Variants in P2RX2 observed in about 807,000 individuals in gnomAD.
The protein encoded by P2RX2 is purinergic receptor P2X 2.
In P2RX2, 50 loss-of-function variants were observed where a neutral mutation model predicts 54.8. That is an observed-to-expected ratio of 0.91 (90% CI 0.73 to 1.15). The LOEUF (loss-of-function observed/expected upper bound fraction) is 1.15. Among genes scored for constraint, P2RX2 ranks in the 50% most tolerant of loss-of-function variants. The pLI, the probability that P2RX2 is intolerant of heterozygous loss-of-function variation, is 0.00. For synonymous variants in P2RX2, 289 were observed against 259.4 expected (o/e 1.11, Z -1.09); for missense variants, 658 against 633.2 (o/e 1.04, Z -0.42).
rs750599281 is a variant in P2RX2, at chr12:132,619,529, C to A, written c.264C>A (p.Ser88=). 2 of 1,612,314 alleles carry A rather than the reference C, an allele frequency of 1.2e-6. No individual in the cohort carries two copies. Among genetic ancestry groups the A allele is most frequent in the African/African-American group, 2.7e-5 (2 of 74,838 alleles). The change falls in exon 2 of 11, where the codon TCC becomes TCA. Residue 88 remains serine, a synonymous_variant. Coordinates refer to ENST00000643471, the MANE Select transcript of P2RX2 (RefSeq NM_170682.4). ...IITKVKGITT[S]EHKVWDVEEY... ...CCAAGGTCAAGGGGATCACCACGTCCGAGCACAAAGTGTGGGACGTGGAGG... is the reference window on the plus strand; with the variant it reads ...CCAAGGTCAAGGGGATCACCACGTCAGAGCACAAAGTGTGGGACGTGGAGG...
Position 132,621,744 on chromosome 12 carries a change from C to T in P2RX2, c.1188C>T (p.Ala396=). The change falls in exon 11 of 11, where the codon GCC becomes GCT. Residue 396 remains alanine (A), a synonymous_variant. Coordinates refer to ENST00000643471, the MANE Select transcript of P2RX2 (RefSeq NM_170682.4). ...HPSGSWPVTL[A]RVLGQAPPEP... ...CAGGTAGCTGGCCTGTGACCCTTGC[C>T]CGTGTATTGGGCCAGGCCCCTCCCG... is the stretch of plus-strand genomic sequence containing the variant. 6.2e-7 allele frequency: 1 copy of T among 1,608,802 alleles called. No homozygotes were observed. The highest frequency in any genetic ancestry group is 8.5e-7 in the Non-Finnish European group (1 of 1,177,088).
Position 132,618,889 on chromosome 12 carries a change from C to T in P2RX2, c.73C>T (p.Leu25Phe). 7.3e-7 allele frequency: 1 copy of T among 1,374,272 alleles called. No homozygotes were observed. Among genetic ancestry groups the T allele is most frequent in the Non-Finnish European group, 9.5e-7 (1 of 1,056,102 alleles). The allele number at this position is 1,374,272 out of a possible 1,614,324, so 85.1% of individuals were successfully genotyped here. ...RRLARGCWSA[L>F]WDYETPKVIV... ...CCTGGCCCGGGGCTGCTGGTCCGCCCTCTGGGACTACGAGACGCCCAAGGT... is the reference window on the plus strand; with the variant it reads ...CCTGGCCCGGGGCTGCTGGTCCGCCTTCTGGGACTACGAGACGCCCAAGGT... Residue 25 changes from leucine (L) to phenylalanine (F), a missense_variant, in exon 1 of 11, where the codon CTC becomes TTC. Transcript: ENST00000643471.
Position 132,621,602 on chromosome 12 carries a change from G to A in P2RX2, c.1063-17G>A, listed in dbSNP as rs1386332894. On this transcript the variant is annotated splice_polypyrimidine_tract_variant and intron_variant, in intron 10 of 10. Coordinates refer to ENST00000643471, the MANE Select transcript of P2RX2 (RefSeq NM_170682.4). ...GGGTCCACCAGGCCCTTACACACCG[G>A]TCTCTGCTGGCCCCAGGGCTCCTTC... 1 of 1,611,966 alleles carries A rather than the reference G, an allele frequency of 6.2e-7. No individual in the cohort carries two copies. Among genetic ancestry groups the A allele is most frequent in the Non-Finnish European group, 8.5e-7 (1 of 1,179,006 alleles).
In P2RX2 at chr12:132,621,816, C is replaced by A. The variant is rs1443459281; in HGVS notation, c.1260C>A (p.Gly420=). 1.9e-6 allele frequency: 3 copies of A among 1,609,348 alleles called. No individual in the cohort carries two copies. Among genetic ancestry groups the A allele is most frequent in the Non-Finnish European group, 2.5e-6 (3 of 1,177,668 alleles). ...ACCAGCACCCCAGCCCTCCATCAGGCCAGGAGGGCCAACAAGGGGCAGAGT... is the reference window on the plus strand; with the variant it reads ...ACCAGCACCCCAGCCCTCCATCAGGACAGGAGGGCCAACAAGGGGCAGAGT... ...SEDQHPSPPS[G]QEGQQGAECG... Residue 420 remains glycine (G), a synonymous_variant, in exon 11 of 11, where the codon GGC becomes GGA. Transcript: ENST00000643471.
chr12:132,620,207 A>G, intron 5 of P2RX2, 60 bp from the exon 6 acceptor site: 1 of 1,545,520 alleles, frequency 6.5e-7, no homozygotes. Context: ...GGTGGGGGCC[A>G]ATGCCAGGCG....
chr12:132,619,258 A>AGGGGCT, intron 1 of P2RX2, 181 bp from the exon 2 acceptor site: 1 of 192,156 alleles, frequency 5.2e-6, no homozygotes, highest in Non-Finnish European at 7.2e-6. Context: ...GGCGCGGGGC[A>AGGGGCT]GGGGCTGGGG....
chr12:132,620,901 G>C, intron 7 of P2RX2, 100 bp from the exon 8 acceptor site: 2 of 198,660 alleles, frequency 1.0e-5, no homozygotes, highest in South Asian at 1.0e-4. Flanking sequence ...GGCCTCTCGT[G>C]TGCCCTTGTG....
chr12:132,619,644 C>T, intron 2 of P2RX2, 35 bp from the exon 3 acceptor site: 1 of 1,581,570 alleles, frequency 6.3e-7, no homozygotes, highest in Non-Finnish European at 8.6e-7. Context: ...GCAGCGGCTG[C>T]CGCCTGGCCG....
At position 132,619,570 on chromosome 12, in the gene P2RX2, C is replaced by T. The variant is rs769315673; in HGVS notation, c.305C>T (p.Pro102Leu). 1.9e-6 allele frequency: 3 copies of T among 1,610,374 alleles called. No individual in the cohort carries two copies. In the African/African-American group the frequency reaches 4.0e-5, roughly 22 times the overall value. ...GACGTGGAGGAGTACGTGAAGCCCC[C>T]CGAGGTGCGGGCCGCCCCCTGCCCC... Reference protein sequence around the residue: ...VWDVEEYVKPPEGGSVFSIIT... With the variant: ...VWDVEEYVKPLEGGSVFSIIT... Residue 102 changes from proline (P) to leucine (L), a missense_variant, in exon 2 of 11, where the codon CCC becomes CTC. By Grantham distance (98) the Pro-to-Leu change is moderately conservative. Coordinates refer to ENST00000643471, the MANE Select transcript of P2RX2 (RefSeq NM_170682.4).
At position 132,622,247 on chromosome 12, in the gene P2RX2, G is replaced by A. The variant is rs1310777133; in HGVS notation, c.*275G>A. On this transcript the variant is annotated 3_prime_UTR_variant, in exon 11 of 11. Transcript: ENST00000643471. ...CAGCCACCTGGAACCCAAGCCAGCT[G>A]AGCTCTGAGGGGCTCTGCTCCCGGT... 4.1e-5 allele frequency: 56 copies of A among 1,362,774 alleles called. No homozygotes were observed. Among genetic ancestry groups the A allele is most frequent in the Non-Finnish European group, 5.3e-5 (56 of 1,060,500 alleles). 84.4% of individuals were successfully genotyped at this position (1,362,774 alleles called of 1,614,324 possible).
intron 7 of P2RX2, 62 bp from the exon 8 acceptor site, chr12:132,620,939 C>T (rs567196075): frequency 3.3e-5 from 32 of 982,460 alleles, no homozygotes; most frequent in East Asian, 1.6e-4. Flanking sequence ...GGGACTGACC[C>T]GGGCTCTCGA....
At position 132,620,534 on chromosome 12, in the gene P2RX2, G is replaced by A; in HGVS notation, c.725G>A (p.Gly242Asp). Residue 242 changes from glycine (G) to aspartate (D), a missense_variant, in exon 7 of 11, where the codon GGC becomes GAC. Transcript: ENST00000643471. ...CTCTACTGCCCCATCTTCAAGCTGG[G>A]CTTTATCGTGGAGAAGGCTGGGGAG... ...SDLYCPIFKL[G>D]FIVEKAGESF... 1.9e-6 allele frequency: 3 copies of A among 1,613,946 alleles called. No individual in the cohort carries two copies. The highest frequency in any genetic ancestry group is 2.5e-6 in the Non-Finnish European group (3 of 1,180,012).
chr12:132,619,661 C>T lies in P2RX2; in HGVS notation c.310-18C>T. On this transcript the variant is annotated intron_variant, in intron 2 of 10. Coordinates refer to ENST00000643471, the MANE Select transcript of P2RX2 (RefSeq NM_170682.4). ...AGCGGCTGCCGCCTGGCCGACCGCC[C>T]CCTCTTTCTGAGCCCAGGGGGGCAG... 6.3e-7 allele frequency: 1 copy of T among 1,586,700 alleles called. No individual in the cohort carries two copies. The highest frequency in any genetic ancestry group is 1.1e-5 in the South Asian group (1 of 87,692).
In P2RX2 at chr12:132,619,471, A is replaced by T; in HGVS notation, c.206A>T (p.Glu69Val). ...YVFIVQKSYQESETGPESSII... is the reference protein window; with the variant it reads ...YVFIVQKSYQVSETGPESSII... ...TTCATCGTGCAGAAAAGCTACCAGG[A>T]GAGCGAGACGGGCCCCGAGAGCTCC... is the stretch of plus-strand genomic sequence containing the variant. The change falls in exon 2 of 11, where the codon GAG (glutamate) becomes GTG (valine). Residue 69 changes from glutamate to valine, a missense_variant. Transcript: ENST00000643471. 1.2e-6 allele frequency: 2 copies of T among 1,612,512 alleles called. No homozygotes were observed. The highest frequency in any genetic ancestry group is 1.7e-6 in the Non-Finnish European group (2 of 1,179,424).
chr12:132,619,798 C>G, intron 3 of P2RX2, 46 bp from the exon 4 acceptor site: 2 of 1,609,560 alleles, frequency 1.2e-6, no homozygotes, highest in Non-Finnish European at 1.7e-6. Flanking sequence ...GCTAGGCGGG[C>G]CAGCTGTCCC....
In P2RX2 at chr12:132,621,292, C is replaced by G; in HGVS notation, c.943C>G (p.Arg315Gly). The G allele has an allele frequency of 1.2e-6, 2 of 1,614,036 alleles. No individual in the cohort carries two copies. Among genetic ancestry groups the G allele is most frequent in the Non-Finnish European group, 1.7e-6 (2 of 1,179,968 alleles). Reference protein sequence around the residue: ...KYYKINGTTTRTLIKAYGIRI... With the variant: ...KYYKINGTTTGTLIKAYGIRI... ...CTACAAGATCAATGGCACCACCACC[C>G]GCACGCTCATCAAGGCCTACGGGAT... The change falls in exon 9 of 11, where the codon CGC becomes GGC. Residue 315 changes from arginine to glycine, a missense_variant. Transcript: ENST00000643471.
Position 132,621,895 on chromosome 12 carries a change from C to T in P2RX2, c.1339C>T (p.Gln447Ter). 1 of 1,613,648 alleles carries T rather than the reference C, an allele frequency of 6.2e-7. No individual in the cohort carries two copies. Among genetic ancestry groups the T allele is most frequent in the South Asian group, 1.1e-5 (1 of 91,076 alleles). Reference protein sequence around the residue: ...RPCPISAPSEQMVDTPASEPA... With the variant: ...RPCPISAPSE ...TTGCCCCATCTCTGCCCCTTCTGAG[C>T]AGATGGTGGACACTCCTGCCTCCGA... The change falls in exon 11 of 11, where the codon CAG becomes TAG. Residue 447 changes from glutamine (Q) to a stop codon, truncating the protein, a stop_gained. Transcript: ENST00000643471. LOFTEE classifies it high-confidence loss of function.
At chr12:132,620,975 C>T (rs1279059484) in intron 7 of P2RX2, 26 bp from the exon 8 acceptor site, 2 of 1,605,326 alleles carry the variant, frequency 1.2e-6, no homozygotes, top group Non-Finnish European at 1.7e-6. Context: ...CCCTCCTGAC[C>T]CCCTTCTCTG....
At chr12:132,620,860 T>C in intron 7 of P2RX2, 141 bp from the exon 8 acceptor site, 2 of 1,426,756 alleles carry the variant, frequency 1.4e-6, no homozygotes, top group South Asian at 2.5e-5. Context: ...ACACCTCACA[T>C]GCAGCCTGGG....
Sources: allele counts gnomAD v4.1 joint callset, GRCh38; gene constraint gnomAD v4.1.1; transcripts MANE v1.5; gene names NCBI Gene and HGNC (gene_info 2026-07-23, HGNC 2026-07-21).